MAN1A2: variants seen among roughly 807,000 people sequenced by gnomAD.
MAN1A2 encodes the protein mannosidase alpha class 1A member 2.
MAN1A2 carries 26 observed loss-of-function variants against 75.7 expected under a neutral mutation model. The ratio of observed to expected loss-of-function variants is 0.34; its 90% confidence interval spans 0.25 to 0.48. The LOEUF (loss-of-function observed/expected upper bound fraction) is 0.48, where lower values mean the gene tolerates loss of function less well. Among genes scored for constraint, MAN1A2 ranks in the 20% least tolerant of loss-of-function variants. The pLI is 0.99. For synonymous variants in MAN1A2, 247 were observed against 264.6 expected, an observed-to-expected ratio of 0.93 and a Z score of 0.65; for missense variants, 562 against 775.5, an observed-to-expected ratio of 0.72 and a Z score of 3.27.
intron 5 of MAN1A2, among the ~76,000 whole-genome samples, chr1:117,436,314 C>G (rs979026190): frequency 6.6e-6 from 1 of 152,008 alleles, no homozygotes; most frequent in African/African-American, 2.4e-5. Flanking sequence ...AAGGGGTATC[C>G]GAAGCTGAAA....
At chr1:117,411,737 C>T (rs908205535) in intron 3 of MAN1A2, among the ~76,000 whole-genome samples, 1 of 151,720 alleles carries the variant, frequency 6.6e-6, no homozygotes, top group Non-Finnish European at 1.5e-5. Context: ...GTAAGCACAT[C>T]AATAAGCAGG....
chr1:117,368,601 A>G (rs1345153774), intron 1 of MAN1A2, 116 bp downstream of exon 1: 3 of 941,402 alleles, frequency 3.2e-6, no homozygotes, highest in Non-Finnish European at 4.8e-6. Flanking sequence ...AGTCATAAAT[A>G]TTGTATTGTT....
At position 117,523,775 on chromosome 1, in the gene MAN1A2, G is replaced by C. The variant is rs1028652807; in HGVS notation, c.*818G>C. ...GACAGAAAGTGGGGAAAATGCCGCAGTTTGTTGCCTTGAAACCTAAGAGCA... is the reference window on the plus strand; with the variant it reads ...GACAGAAAGTGGGGAAAATGCCGCACTTTGTTGCCTTGAAACCTAAGAGCA... On this transcript the variant is annotated 3_prime_UTR_variant, in exon 13 of 13. Transcript: ENST00000356554. The C allele has an allele frequency of 4.0e-5, 6 of 151,812 alleles. No homozygotes were observed. Among genetic ancestry groups the C allele is most frequent in the African/African-American group, 1.5e-4 (6 of 41,378 alleles). 9.4% of individuals were successfully genotyped at this position (151,812 alleles called of 1,614,324 possible).
At chr1:117,429,574 CG>C (rs1374716961) in intron 5 of MAN1A2, among the ~76,000 whole-genome samples, 15 of 81,986 alleles carry the variant, frequency 1.8e-4, no homozygotes, top group Non-Finnish European at 3.1e-4. Flanking sequence ...GCTGGCCGGG[CG>C]GGGGGCTGAC....
intron 5 of MAN1A2, among the ~76,000 whole-genome samples, chr1:117,421,164 G>T (rs980583484): frequency 3.9e-5 from 6 of 151,982 alleles, no homozygotes; most frequent in African/African-American, 1.4e-4. Flanking sequence ...AGTGGGTGTA[G>T]GAAATTCCCT....
At chr1:117,517,170 G>A (rs1651736780) in intron 12 of MAN1A2, among the ~76,000 whole-genome samples, 1 of 152,118 alleles carries the variant, frequency 6.6e-6, no homozygotes, top group South Asian at 2.1e-4. Flanking sequence ...GGATCAGACT[G>A]TTTCTAAGTG....
intron 5 of MAN1A2, among the ~76,000 whole-genome samples, chr1:117,421,637 A>G (rs181842946): frequency 1.3e-5 from 2 of 149,988 alleles, no homozygotes; most frequent in South Asian, 2.1e-4. Flanking sequence ...TTTTTTTTTT[A>G]GAAGAAATAT....
chr1:117,457,393 C>T (rs571342421), intron 6 of MAN1A2, among the ~76,000 whole-genome samples: 11 of 150,698 alleles, frequency 7.3e-5, no homozygotes, highest in Non-Finnish European at 1.2e-4. Context: ...AATGATGATC[C>T]GGTTATTTTT....
chr1:117,437,439 A>G (rs1648882541), intron 5 of MAN1A2, among the ~76,000 whole-genome samples: 1 of 152,192 alleles, frequency 6.6e-6, no homozygotes, highest in Non-Finnish European at 1.5e-5. Flanking sequence ...TCAAGAGGGA[A>G]GGTACAAGAT....
intron 8 of MAN1A2, among the ~76,000 whole-genome samples, chr1:117,476,429 G>A (rs1239459147): frequency 1.3e-5 from 2 of 152,038 alleles, no homozygotes; most frequent in Non-Finnish European, 2.9e-5. Flanking sequence ...TGAAGTCTTT[G>A]TCCATGCCTA....
intron 6 of MAN1A2, among the ~76,000 whole-genome samples, chr1:117,444,874 G>A (rs1649167114): frequency 6.6e-6 from 1 of 151,712 alleles, no homozygotes; most frequent in African/African-American, 2.4e-5. Flanking sequence ...TTACAGTCTT[G>A]GTTAAAAAAT....
intron 3 of MAN1A2, among the ~76,000 whole-genome samples, chr1:117,410,998 A>G (rs1433276342): frequency 1.3e-5 from 2 of 151,822 alleles, no homozygotes; most frequent in Non-Finnish European, 3.0e-5. Context: ...GAATTTGAAT[A>G]TTCAATATTG....
At position 117,524,789 on chromosome 1, in the gene MAN1A2, A is replaced by C. The variant is rs1402023892; in HGVS notation, c.*1832A>C. ...TTACAATAGTCCTTAAGAGAGTTAA[A>C]TTATAGCACATGTTTTGACATTGTA... On this transcript the variant is annotated 3_prime_UTR_variant, in exon 13 of 13. Transcript: ENST00000356554. The C allele has an allele frequency of 5.6e-6, 1 of 177,440 alleles. No homozygotes were observed. Among genetic ancestry groups the C allele is most frequent in the Non-Finnish European group, 1.2e-5 (1 of 82,140 alleles). 11.0% of individuals were successfully genotyped at this position (177,440 alleles called of 1,614,324 possible). A position where few individuals can be genotyped will look rare whatever the true frequency, so the allele number is the denominator to read the frequency against.
At chr1:117,375,506 A>G (rs1232889426) in intron 1 of MAN1A2, among the ~76,000 whole-genome samples, 1 of 152,220 alleles carries the variant, frequency 6.6e-6, no homozygotes. Context: ...TTTTTAAAAA[A>G]ATATTTATAT....
chr1:117,450,497 A>G (rs1557955838), intron 6 of MAN1A2, among the ~76,000 whole-genome samples: 1 of 152,242 alleles, frequency 6.6e-6, no homozygotes, highest in African/African-American at 2.4e-5. Flanking sequence ...AGAAATTTGC[A>G]TAAGTAACAG....
chr1:117,458,509 ATAGATATATATATATTTTTT>A (rs1649690765), intron 6 of MAN1A2, among the ~76,000 whole-genome samples: 1 of 101,512 alleles, frequency 9.9e-6, no homozygotes, highest in Non-Finnish European at 2.0e-5. Context: ...ATATATATAT[ATAGATATATATATATTTTTT>A]TTTTTTTTTT....
At chr1:117,369,433 CAT>C (rs1652878547) in intron 1 of MAN1A2, among the ~76,000 whole-genome samples, 1 of 152,216 alleles carries the variant, frequency 6.6e-6, no homozygotes, top group African/African-American at 2.4e-5. Flanking sequence ...GAAAAAAAAT[CAT>C]GTGCTTGAAT....
intron 1 of MAN1A2, among the ~76,000 whole-genome samples, chr1:117,374,658 T>A (rs575761691): frequency 1.0e-3 from 158 of 152,338 alleles, no homozygotes; most frequent in African/African-American, 3.8e-3. Flanking sequence ...ACCATTGTCC[T>A]TGGTTGTTGA....
chr1:117,439,568 A>G (rs901624122), intron 5 of MAN1A2, among the ~76,000 whole-genome samples: 1 of 151,258 alleles, frequency 6.6e-6, no homozygotes, highest in East Asian at 1.9e-4. Flanking sequence ...ATCTCGGTTC[A>G]CTGCAACCTC....
Sources: gnomAD v4.1 joint callset for allele counts (sites outside exome capture counted in the v4.1 genomes callset) on GRCh38, gnomAD v4.1.1 for gene constraint, MANE v1.5 for transcripts, NCBI Gene and HGNC (gene_info 2026-07-23, HGNC 2026-07-21) for gene names.